Variants in UNC79 observed in about 807,000 individuals in gnomAD.
The protein encoded by UNC79 is unc-79 subunit of NALCN channel complex, also known as protein unc-79 homolog.
Under a neutral mutation model 283.1 loss-of-function variants are expected in UNC79, and 37 were observed. The ratio of observed to expected loss-of-function variants is 0.13; its 90% CI spans 0.10 to 0.17. The LOEUF (loss-of-function observed/expected upper bound fraction) is 0.17, where lower values mean the gene tolerates loss of function less well. Ranked by LOEUF, UNC79 falls within the 10% of genes least tolerant of loss-of-function variation. The pLI is 1.00. For synonymous variants in UNC79, 1,107 were observed against 1,200.2 expected (o/e 0.92, Z 1.61); for missense variants, 2,272 against 3,211.1 (o/e 0.71, Z 7.07).
chr14:93,371,465 C>T (rs752741071), intron 1 of UNC79, among the ~76,000 whole-genome samples: 2 of 152,012 alleles, frequency 1.3e-5, no homozygotes, highest in Non-Finnish European at 2.9e-5. Flanking sequence ...CACTTAGGCA[C>T]ACTGTTTTCA....
At chr14:93,558,151 T>G (rs534852215) in intron 14 of UNC79, among the ~76,000 whole-genome samples, 6 of 152,300 alleles carry the variant, frequency 3.9e-5, no homozygotes, top group African/African-American at 1.2e-4. Context: ...CCACATTCTA[T>G]TCTGTGGCAA....
intron 1 of UNC79, among the ~76,000 whole-genome samples, chr14:93,373,043 G>A (rs1333516279): frequency 6.6e-6 from 1 of 152,160 alleles, no homozygotes; most frequent in Non-Finnish European, 1.5e-5. Context: ...ACTTGGAGAG[G>A]AAACAACACA....
At chr14:93,548,537 A>G (rs972352344) in intron 14 of UNC79, among the ~76,000 whole-genome samples, 6 of 152,202 alleles carry the variant, frequency 3.9e-5, no homozygotes, top group Non-Finnish European at 8.8e-5. Context: ...AGAGAGAGAA[A>G]ATGAAACTCT....
chr14:93,634,893 C>G (rs2068376725), intron 31 of UNC79, among the ~76,000 whole-genome samples: 1 of 152,112 alleles, frequency 6.6e-6, no homozygotes, highest in African/African-American at 2.4e-5. Context: ...GGTTATTGAT[C>G]TGGGGAGGAG....
At chr14:93,572,857 T>C in intron 16 of UNC79, 41 bp downstream of exon 16, 6 of 1,607,794 alleles carry the variant, frequency 3.7e-6, no homozygotes, top group Non-Finnish European at 5.1e-6. Context: ...GAAATAGTTC[T>C]TAGCTTATAA....
At chr14:93,632,352 C>T (rs910368373) in intron 31 of UNC79, among the ~76,000 whole-genome samples, 5 of 152,172 alleles carry the variant, frequency 3.3e-5, no homozygotes, top group Non-Finnish European at 5.9e-5. Flanking sequence ...TTTATGACCA[C>T]ATACTAAAAT....
rs539008698 is a variant in UNC79 at position 93,526,797 on chromosome 14, C to T, written c.964-1761C>T. 5.9e-5 allele frequency among the ~76,000 whole-genome samples: 9 copies of T among 152,220 alleles called. No individual in the cohort carries two copies. The South Asian group carries it at 1.5e-3, about 25-fold the overall frequency. ...TAGTTTTAGCATCCTAGGAGCTTCT[C>T]CTTTTGAGTAGTGTGAAAAAGTATC... On this transcript the variant is annotated intron_variant, in intron 8 of 48. Transcript: ENST00000555664.
chr14:93,486,656 GGAAAAAAAAAA>G, intron 4 of UNC79, among the ~76,000 whole-genome samples: 1 of 78,512 alleles, frequency 1.3e-5, no homozygotes, highest in South Asian at 4.7e-4. Context: ...CTCTGTCTAA[GGAAAAAAAAAA>G]AAAAAAAAAA....
At position 93,410,096 on chromosome 14, in the gene UNC79, C is replaced by A. The variant is rs915410858; in HGVS notation, c.-350-57575C>A. Among the ~76,000 whole-genome samples the A allele has an allele frequency of 3.3e-5, 5 of 152,362 alleles. No homozygotes were observed. In the East Asian group the frequency reaches 9.6e-4, roughly 29 times the overall value. On this transcript the variant is annotated intron_variant, in intron 1 of 49. Transcript: ENST00000256339. ...GTTTTGAATCACTGACACCACCCTTCCTCCCTCACCTAGCAGTGGCTATGT... is the reference window on the plus strand; with the variant it reads ...GTTTTGAATCACTGACACCACCCTTACTCCCTCACCTAGCAGTGGCTATGT...
At chr14:93,566,670 G>A (rs890406107) in intron 14 of UNC79, among the ~76,000 whole-genome samples, 1 of 131,592 alleles carries the variant, frequency 7.6e-6, no homozygotes, top group Non-Finnish European at 1.6e-5. Flanking sequence ...ACGGAATCTT[G>A]CTCTGTTGCC....
intron 47 of UNC79, among the ~76,000 whole-genome samples, chr14:93,700,816 A>T (rs905532317): frequency 6.6e-6 from 1 of 152,202 alleles, no homozygotes; most frequent in Non-Finnish European, 1.5e-5. Context: ...ATGAGTTATA[A>T]GATTTTTCCA....
intron 1 of UNC79, among the ~76,000 whole-genome samples, chr14:93,459,945 T>C (rs111944921): frequency 2.0e-5 from 2 of 101,016 alleles, no homozygotes; most frequent in African/African-American, 3.9e-5. Context: ...GCTGGGATTA[T>C]AGGCATGAGC....
chr14:93,431,850 G>A (rs986077942), intron 1 of UNC79, among the ~76,000 whole-genome samples: 1 of 152,296 alleles, frequency 6.6e-6, no homozygotes, highest in Non-Finnish European at 1.5e-5. Flanking sequence ...CTGTCTTATT[G>A]CAGTGCGCAC....
In UNC79 at chr14:93,697,431, C is replaced by T. The variant is rs116210135; in HGVS notation, c.7548+3019C>T. Among the ~76,000 whole-genome samples, 1,188 of 152,238 alleles carry T rather than the reference C, an allele frequency of 7.8e-3. 13 individuals carry two copies. Among genetic ancestry groups the T allele is most frequent in the African/African-American group, 0.027 (1,126 of 41,526 alleles). ...GATTATAGGTGTGAGCCACTATGCCCGGCCAGATCTCTGTCTATTTTTATA... is the reference window on the plus strand; with the variant it reads ...GATTATAGGTGTGAGCCACTATGCCTGGCCAGATCTCTGTCTATTTTTATA... On this transcript the variant is annotated intron_variant, in intron 47 of 48. Transcript: ENST00000555664.
At chr14:93,487,864 G>A in intron 5 of UNC79, 109 bp downstream of exon 5, 1 of 1,048,698 alleles carries the variant, frequency 9.5e-7, no homozygotes, top group South Asian at 1.8e-5. Context: ...TCATAGAGAT[G>A]TGTAGAAAAC....
In UNC79 at chr14:93,688,489, G is replaced by C. The variant is rs1230850244; in HGVS notation, c.6910-176G>C. On this transcript the variant is annotated intron_variant, in intron 43 of 48. Transcript: ENST00000555664. This position sits in a 1 kb window ranked among gnomAD's most constrained non-coding sequence, Gnocchi z 4.0. ...GATCTTTCTGGCTTTGTAGGCTAGG[G>C]AACTTTCCCTCCTTTTATCCTAAGA... 2.0e-5 allele frequency among the ~76,000 whole-genome samples: 3 copies of C among 152,154 alleles called. No individual in the cohort carries two copies. The highest frequency in any genetic ancestry group is 4.4e-5 in the Non-Finnish European group (3 of 68,024).
chr14:93,622,702 A>C (rs781486568), exon 30 of UNC79: 1 of 1,614,208 alleles, frequency 6.2e-7, no homozygotes, highest in Admixed American at 1.7e-5. Flanking sequence ...AAGAGGATGG[A>C]GCTGAGGAAT....
intron 5 of UNC79, among the ~76,000 whole-genome samples, chr14:93,490,536 T>G (rs1467086379): frequency 6.6e-6 from 1 of 152,168 alleles, no homozygotes; most frequent in Non-Finnish European, 1.5e-5. Flanking sequence ...AGTTCTACCA[T>G]CCACAAAACA....
chr14:93,680,693 C>A (rs912593199), intron 41 of UNC79, among the ~76,000 whole-genome samples: 1 of 152,110 alleles, frequency 6.6e-6, no homozygotes, highest in Non-Finnish European at 1.5e-5. Context: ...CAGGTTCAAG[C>A]GATTCTTCTC....
Sources: gnomAD v4.1 joint callset for allele counts (sites outside exome capture counted in the v4.1 genomes callset) on GRCh38, gnomAD v4.1.1 for gene constraint, Gnocchi (gnomAD v3.1) non-coding constraint, MANE v1.5 for transcripts, NCBI Gene and HGNC (gene_info 2026-07-23, HGNC 2026-07-21) for gene names.